TASP1: variants seen among roughly 807,000 people sequenced by gnomAD.
The protein encoded by TASP1 is taspase 1, also known as threonine aspartase 1.
A neutral mutation model predicts 56.6 loss-of-function variants in TASP1; 16 were observed. The observed-to-expected ratio is 0.28, with a 90% CI of 0.19 to 0.43. The LOEUF (loss-of-function observed/expected upper bound fraction) is 0.43, where lower values mean the gene tolerates loss of function less well. Ranked by LOEUF, TASP1 falls within the 20% of genes least tolerant of loss-of-function variation. The pLI is 1.00. For synonymous variants in TASP1, 179 were observed against 184.2 expected (o/e 0.97, Z 0.23); for missense variants, 393 against 511.6 (o/e 0.77, Z 2.24).
the TASP1 span, among the ~76,000 whole-genome samples, chr20:13,247,526 G>C: frequency 6.7e-6 from 1 of 149,352 alleles, no homozygotes; most frequent in Non-Finnish European, 1.5e-5. Flanking sequence ...GGGTGTGTGT[G>C]TGTGTGTGTG....
At chr20:13,342,514 T>C in the TASP1 span, among the ~76,000 whole-genome samples, 1 of 152,152 alleles carries the variant, frequency 6.6e-6, no homozygotes, top group East Asian at 1.9e-4. Context: ...TCTTCAGTCT[T>C]AGGTGCCTGG....
chr20:13,164,256 C>A, the TASP1 span: 1 of 442,542 alleles, frequency 2.3e-6, no homozygotes, highest in South Asian at 1.7e-5. Context: ...TTTTCTGGGA[C>A]ACAGAGATGA....
chr20:13,573,380 G>A (rs926367145), intron 6 of TASP1, among the ~76,000 whole-genome samples: 21 of 152,150 alleles, frequency 1.4e-4, no homozygotes, highest in African/African-American at 5.1e-4. Flanking sequence ...ATGGGACACT[G>A]AATCCCCCAG....
chr20:13,538,130 G>A (rs949008638), intron 8 of TASP1, among the ~76,000 whole-genome samples: 4 of 151,978 alleles, frequency 2.6e-5, no homozygotes, highest in East Asian at 1.9e-4. Flanking sequence ...AGCTTCCCGA[G>A]TAGGGGGATT....
At chr20:13,585,007 G>A (rs2147241327) in intron 5 of TASP1, among the ~76,000 whole-genome samples, 1 of 151,950 alleles carries the variant, frequency 6.6e-6, no homozygotes, top group Non-Finnish European at 1.5e-5. Context: ...CAAAGAATGG[G>A]GGAAAAAAAA....
At position 13,435,067 on chromosome 20, in the gene TASP1, GA is replaced by G; in HGVS notation, c.1072del (p.Ser358ProfsTer8). On this transcript the variant is annotated frameshift_variant, in exon 12 of 14. Transcript: ENST00000337743. LOFTEE classifies it high-confidence loss of function. ...ACCTAGAAGTGTCTGCTTATTTTGG[GA>G]GGAGTCAGGCTCGGCAGAACATCTG... ...SCRCSAEPDSSQNKQTLLVEF... is the reference protein window; with the variant it reads ...SCRCSAEPDSXQNKQTLLVEF... 1 of 1,611,090 alleles carries G rather than the reference GA, an allele frequency of 6.2e-7. No homozygotes were observed. Among genetic ancestry groups the G allele is most frequent in the Non-Finnish European group, 8.5e-7 (1 of 1,178,570 alleles).
At chr20:13,404,731 T>A (rs2041854576) in intron 13 of TASP1, among the ~76,000 whole-genome samples, 1 of 152,226 alleles carries the variant, frequency 6.6e-6, no homozygotes, top group Non-Finnish European at 1.5e-5. Flanking sequence ...CATAATCACA[T>A]TCAAAATGAT....
the TASP1 span, among the ~76,000 whole-genome samples, chr20:13,335,332 A>G: frequency 0.036 from 5,154 of 143,290 alleles, 131 homozygotes; most frequent in Middle Eastern, 0.085. Flanking sequence ...ATGCACACAC[A>G]CACACACACA....
intron 11 of TASP1, among the ~76,000 whole-genome samples, chr20:13,450,290 A>T (rs1037453006): frequency 4.6e-5 from 7 of 152,110 alleles, no homozygotes; most frequent in African/African-American, 1.7e-4. Flanking sequence ...GTGATGGCTC[A>T]TGAAGACTGA....
At chr20:13,552,530 C>T (rs1286304587) in intron 8 of TASP1, among the ~76,000 whole-genome samples, 1 of 152,180 alleles carries the variant, frequency 6.6e-6, no homozygotes, top group African/African-American at 2.4e-5. Flanking sequence ...GAGGAACTTA[C>T]TAAAGAGGAT....
At chr20:13,408,031 A>G (rs1389846477) in intron 13 of TASP1, among the ~76,000 whole-genome samples, 1 of 151,802 alleles carries the variant, frequency 6.6e-6, no homozygotes, top group African/African-American at 2.4e-5. Flanking sequence ...TACTTTCTTG[A>G]TGTTATCCTT....
the TASP1 span, among the ~76,000 whole-genome samples, chr20:13,341,814 C>T: frequency 2.0e-5 from 3 of 152,224 alleles, no homozygotes; most frequent in Non-Finnish European, 4.4e-5. Flanking sequence ...AACGGAGGAA[C>T]AGCTGTTGGC....
At chr20:13,637,890 A>C (rs2049367074) in intron 1 of TASP1, among the ~76,000 whole-genome samples, 3 of 152,262 alleles carry the variant, frequency 2.0e-5, no homozygotes, top group Non-Finnish European at 2.9e-5. Context: ...TTTATGGTGC[A>C]TGAATACCTT....
the TASP1 span, among the ~76,000 whole-genome samples, chr20:13,173,732 C>G: frequency 0.018 from 2,687 of 152,240 alleles, 52 homozygotes; most frequent in South Asian, 0.03. Flanking sequence ...ACTTCAAGAC[C>G]CTCCTGGGTT....
the TASP1 span, among the ~76,000 whole-genome samples, chr20:13,193,255 T>C: frequency 1.3e-5 from 2 of 152,270 alleles, no homozygotes; most frequent in Non-Finnish European, 2.9e-5. Flanking sequence ...GTGACTATTA[T>C]ATCAATAATC....
intron 11 of TASP1, among the ~76,000 whole-genome samples, chr20:13,481,888 T>C (rs534293854): frequency 9.9e-5 from 15 of 152,142 alleles, no homozygotes; most frequent in African/African-American, 2.9e-4. Flanking sequence ...CTTCACTTTG[T>C]TGTTCCCTTT....
chr20:13,483,627 A>T (rs1267800741), intron 10 of TASP1, among the ~76,000 whole-genome samples: 1 of 152,200 alleles, frequency 6.6e-6, no homozygotes, highest in Non-Finnish European at 1.5e-5. Context: ...CTAACAAAAA[A>T]AATCCCCCTA....
the TASP1 span, chr20:13,299,609 G>A: frequency 6.3e-4 from 493 of 784,264 alleles, 2 homozygotes; most frequent in African/African-American, 7.7e-3. This position sits in a 1 kb window ranked among gnomAD's most constrained non-coding sequence, Gnocchi z 5.8. Context: ...TACGCTAGGG[G>A]CGTGTGCCAC....
At chr20:13,245,416 C>G in the TASP1 span, 2 of 152,224 alleles carry the variant, frequency 1.3e-5, no homozygotes, top group East Asian at 3.8e-4. Context: ...CAGTCTTTGT[C>G]ACCTAATCTC....
Sources: gnomAD v4.1 joint callset for allele counts (sites outside exome capture counted in the v4.1 genomes callset) on GRCh38, gnomAD v4.1.1 for gene constraint, Gnocchi (gnomAD v3.1) non-coding constraint, MANE v1.5 for transcripts, NCBI Gene and HGNC (gene_info 2026-07-23, HGNC 2026-07-21) for gene names.